The following RALGAPA1 variants were observed in gnomAD, a reference collection of about 807,000 sequenced individuals.
RALGAPA1 encodes Ral GTPase activating protein catalytic subunit alpha 1, also known as ral GTPase-activating protein subunit alpha-1.
Under a neutral mutation model 269.6 loss-of-function variants are expected in RALGAPA1, and 52 were observed. The ratio of observed to expected loss-of-function variants is 0.19; its 90% CI spans 0.15 to 0.24. The LOEUF (loss-of-function observed/expected upper bound fraction) is 0.24. RALGAPA1 is among the 10% of genes least tolerant of loss of function. The pLI is 1.00. For synonymous variants in RALGAPA1, 817 were observed against 1,008.3 expected, an observed-to-expected ratio of 0.81 and a Z score of 3.60; for missense variants, 1,917 against 3,013.9, an observed-to-expected ratio of 0.64 and a Z score of 8.52.
At position 35,659,208 on chromosome 14, in the gene RALGAPA1, G is replaced by C; in HGVS notation, c.5329-12C>G. ...TTGATTATAAGTTCCTAAAATAAGG[G>C]GGAAATAGTTAACGGCAATGACTGA... is the stretch of plus-strand genomic sequence containing the variant. On this transcript the variant is annotated splice_polypyrimidine_tract_variant and intron_variant, in intron 27 of 41. Coordinates refer to ENST00000680220, the MANE Select transcript of RALGAPA1 (RefSeq NM_001346249.2). The C allele has an allele frequency of 1.3e-6, 2 of 1,598,998 alleles. No individual in the cohort carries two copies. Among genetic ancestry groups the C allele is most frequent in the Non-Finnish European group, 8.5e-7 (1 of 1,169,856 alleles).
chr14:35,754,416 C>T (rs1012349174), intron 7 of RALGAPA1, among the ~76,000 whole-genome samples: 1 of 152,076 alleles, frequency 6.6e-6, no homozygotes, highest in Non-Finnish European at 1.5e-5. Flanking sequence ...AAAAAGTGAA[C>T]AGACACTTCA....
At chr14:35,747,903 T>C (rs1240774599) in intron 10 of RALGAPA1, among the ~76,000 whole-genome samples, 1 of 152,120 alleles carries the variant, frequency 6.6e-6, no homozygotes, top group Admixed American at 6.5e-5. Context: ...TTCCCTTTTT[T>C]TTTTCTATAC....
At chr14:35,712,120 A>ACCTGTAAT (rs1042363044) in intron 16 of RALGAPA1, among the ~76,000 whole-genome samples, 2 of 151,714 alleles carry the variant, frequency 1.3e-5, no homozygotes, top group African/African-American at 4.8e-5. Flanking sequence ...GGTGGTGCAC[A>ACCTGTAAT]CCTGTAATCC....
chr14:35,723,310 G>T, intron 14 of RALGAPA1, 46 bp from the exon 15 acceptor site: 1 of 1,055,634 alleles, frequency 9.5e-7, no homozygotes, highest in Non-Finnish European at 1.4e-6. Context: ...TGTTTAGTGT[G>T]TGACTTCAAA....
chr14:35,572,414 T>C (rs940576536), intron 38 of RALGAPA1, 146 bp downstream of exon 38: 4 of 534,812 alleles, frequency 7.5e-6, no homozygotes, highest in Non-Finnish European at 9.6e-6. Context: ...AGGCAATCCA[T>C]GTAGCTACCA....
At chr14:35,749,811 TATAA>T (rs1187873284) in intron 9 of RALGAPA1, among the ~76,000 whole-genome samples, 2 of 152,096 alleles carry the variant, frequency 1.3e-5, no homozygotes, top group Non-Finnish European at 2.9e-5. Context: ...TTATCCTACT[TATAA>T]AAGATTTAAG....
chr14:35,728,571 A>G (rs530743809), intron 12 of RALGAPA1, 61 bp from the exon 13 acceptor site: 134 of 1,504,262 alleles, frequency 8.9e-5, no homozygotes, highest in Middle Eastern at 5.3e-4. Context: ...TTTCTTATTC[A>G]AAGAGAAACA....
At chr14:35,611,760 GA>G (rs112018366) in intron 35 of RALGAPA1, among the ~76,000 whole-genome samples, 3 of 151,674 alleles carry the variant, frequency 2.0e-5, no homozygotes, top group African/African-American at 7.3e-5. Context: ...GAGAAAACAG[GA>G]AAAAAACCCT....
intron 7 of RALGAPA1, among the ~76,000 whole-genome samples, chr14:35,752,980 A>G (rs2072861414): frequency 6.6e-6 from 1 of 152,228 alleles, no homozygotes; most frequent in Non-Finnish European, 1.5e-5. Context: ...ATGAATTAAC[A>G]TTAAGATAGA....
intron 13 of RALGAPA1, among the ~76,000 whole-genome samples, chr14:35,727,923 A>C (rs2070118287): frequency 6.6e-6 from 1 of 152,222 alleles, no homozygotes; most frequent in African/African-American, 2.4e-5. Flanking sequence ...TCTTATCCTG[A>C]AAGCTGGAGG....
At chr14:35,791,607 CA>C (rs981124408) in intron 1 of RALGAPA1, among the ~76,000 whole-genome samples, 114 of 138,292 alleles carry the variant, frequency 8.2e-4, no homozygotes, top group Middle Eastern at 3.7e-3. Context: ...AACTCTGTCT[CA>C]AAAAAAAAAA....
chr14:35,797,380 A>C (rs555593640), intron 1 of RALGAPA1, among the ~76,000 whole-genome samples: 2 of 151,862 alleles, frequency 1.3e-5, no homozygotes, highest in African/African-American at 4.8e-5. Flanking sequence ...ATGCCAAAGT[A>C]AAGACTTTTT....
At chr14:35,570,556 T>C (rs1321067503) in intron 39 of RALGAPA1, 61 bp downstream of exon 39, 1 of 1,343,262 alleles carries the variant, frequency 7.4e-7, no homozygotes, top group African/African-American at 1.5e-5. Context: ...ATATAAGAAA[T>C]ATTTACCTTT....
intron 33 of RALGAPA1, among the ~76,000 whole-genome samples, chr14:35,629,061 CA>C (rs2061161037): frequency 6.6e-6 from 1 of 151,946 alleles, no homozygotes; most frequent in Admixed American, 6.6e-5. Context: ...AGGAGACAGA[CA>C]ATAATTTGTC....
Position 35,635,468 on chromosome 14 carries a change from T to C in RALGAPA1, c.5807A>G (p.Tyr1936Cys), listed in dbSNP as rs769958383. ...KTEKSVLNCIYKVLHGCVYGA... is the reference protein window; with the variant it reads ...KTEKSVLNCICKVLHGCVYGA... ...TAATAAAGCAAGGAAGTTTACCTTA[T>C]AAATGCAATTGAGAACAGATTTTTC... Residue 1936 changes from tyrosine to cysteine, a missense_variant, in exon 32 of 42, where the codon TAT becomes TGT. Around this residue, in one of 11 missense-constraint regions of RALGAPA1, gnomAD observed 346 missense variants for 566.1 expected, o/e 0.61. Transcript: ENST00000680220. The C allele has an allele frequency of 1.1e-5, 17 of 1,591,176 alleles. No individual in the cohort carries two copies. Among genetic ancestry groups the C allele is most frequent in the Non-Finnish European group, 1.5e-5 (17 of 1,171,828 alleles).
chr14:35,752,028 T>C lies in RALGAPA1; in HGVS notation c.798A>G (p.Ile266Met), dbSNP rs1385708486. Residue 266 changes from isoleucine (I) to methionine (M), a missense_variant, in exon 8 of 42, where the codon ATA becomes ATG. Around this residue, in one of 11 missense-constraint regions of RALGAPA1, gnomAD observed 462 missense variants for 725.6 expected, o/e 0.64. Coordinates refer to ENST00000680220, the MANE Select transcript of RALGAPA1 (RefSeq NM_001346249.2). ...AAAATTTCAAACATTACCTACCAAGTATAGGATGATATAAACTGTTTTCCT... is the reference window on the plus strand; with the variant it reads ...AAAATTTCAAACATTACCTACCAAGCATAGGATGATATAAACTGTTTTCCT... ...ICKENSLYHP[I>M]LDIPQMRPKP... 1.3e-6 allele frequency: 2 copies of C among 1,579,014 alleles called. No individual in the cohort carries two copies. Among genetic ancestry groups the C allele is most frequent in the Non-Finnish European group, 1.7e-6 (2 of 1,167,658 alleles).
chr14:35,760,093 C>A (rs2073574933), intron 6 of RALGAPA1, among the ~76,000 whole-genome samples: 1 of 151,966 alleles, frequency 6.6e-6, no homozygotes, highest in African/African-American at 2.4e-5. Context: ...ATCTAATGGA[C>A]AAAATAAAAC....
intron 35 of RALGAPA1, among the ~76,000 whole-genome samples, chr14:35,608,202 A>G (rs1424342226): frequency 6.6e-6 from 1 of 152,154 alleles, no homozygotes. Context: ...AACACTCTAA[A>G]CTGTGATAGT....
At chr14:35,733,147 G>A (rs1462769716) in intron 12 of RALGAPA1, among the ~76,000 whole-genome samples, 1 of 152,170 alleles carries the variant, frequency 6.6e-6, no homozygotes. Flanking sequence ...GCTCCTGAAT[G>A]AGCATTGAGT....
Sources: allele counts gnomAD v4.1 joint callset (sites outside exome capture counted in the v4.1 genomes callset), GRCh38; gene constraint gnomAD v4.1.1; regional missense constraint gnomAD v4.1.1; transcripts MANE v1.5; gene names NCBI Gene and HGNC (gene_info 2026-07-23, HGNC 2026-07-21).